GAB1: variants seen among roughly 807,000 people sequenced by gnomAD.
The protein encoded by GAB1 is GRB2-associated-binding protein 1.
In GAB1, 19 loss-of-function variants were observed where a neutral mutation model predicts 66.5. The ratio of observed to expected loss-of-function variants is 0.29; its 90% CI spans 0.20 to 0.42. GAB1 has a LOEUF of 0.42. GAB1 is among the 10% of genes least tolerant of loss of function. GAB1 has a pLI of 1.00. For missense variants in GAB1, 732 were observed against 858.5 expected (o/e 0.85, Z 1.84); for synonymous variants, 294 against 301.4 (o/e 0.98, Z 0.25).
intron 3 of GAB1, chr4:143,434,157 G>A (rs1733818885): frequency 4.7e-6 from 6 of 1,286,082 alleles, no homozygotes; most frequent in African/African-American, 1.5e-5. Flanking sequence ...AAAGCAAAAC[G>A]ATTCCATTGC....
chr4:143,356,300 A>G (rs1333832388), intron 1 of GAB1, among the ~76,000 whole-genome samples: 2 of 152,210 alleles, frequency 1.3e-5, no homozygotes, highest in Non-Finnish European at 2.9e-5. Flanking sequence ...TTTTGATTCC[A>G]GTTATCCCTA....
chr4:143,430,660 T>A (rs1020606750), intron 2 of GAB1, among the ~76,000 whole-genome samples: 4 of 152,224 alleles, frequency 2.6e-5, no homozygotes, highest in African/African-American at 4.8e-5. Flanking sequence ...AAATGATGAC[T>A]CAAATTCTTG....
chr4:143,343,537 T>C (rs1000398335), intron 1 of GAB1: 1 of 154,736 alleles, frequency 6.5e-6, no homozygotes, highest in African/African-American at 2.4e-5. Context: ...TTATGTGCCA[T>C]GTGTGGAATG....
Position 143,440,156 on chromosome 4 carries a change from T to G in GAB1, c.1359T>G (p.Asn453Lys), listed in dbSNP as rs1396005802. 1 of 1,614,070 alleles carries G rather than the reference T, an allele frequency of 6.2e-7. No homozygotes were observed. Among genetic ancestry groups the G allele is most frequent in the African/African-American group, 1.3e-5 (1 of 74,926 alleles). The change falls in exon 6 of 10, where the codon AAT becomes AAG. Residue 453 changes from asparagine (N) to lysine (K), a missense_variant. By Grantham distance (94) the Asn-to-Lys change is moderately conservative. Around this residue, in one of 4 missense-constraint regions of GAB1, gnomAD observed 427 missense variants for 420.6 expected, o/e 1.02. Coordinates refer to ENST00000262994, the MANE Select transcript of GAB1 (RefSeq NM_002039.4). Reference sequence around the variant, plus strand: ...AAAATTACGTCCCAATGAATCCCAATTCACCACCACGACAACATTCCAGCA... The same window carrying G: ...AAAATTACGTCCCAATGAATCCCAAGTCACCACCACGACAACATTCCAGCA... The part of the protein sequence containing the change: ...LDENYVPMNP[N>K]SPPRQHSSSF...
At chr4:143,462,217 A>G (rs1308589683) in intron 8 of GAB1, among the ~76,000 whole-genome samples, 2 of 152,072 alleles carry the variant, frequency 1.3e-5, no homozygotes, top group Non-Finnish European at 2.9e-5. Context: ...CTATTTTTCA[A>G]TTTGAGTGGA....
chr4:143,413,782 G>A (rs1056754555), intron 1 of GAB1, among the ~76,000 whole-genome samples: 1 of 147,046 alleles, frequency 6.8e-6, no homozygotes, highest in Non-Finnish European at 1.5e-5. Context: ...GGGGGTTTTC[G>A]AGTCCTTCCA....
At chr4:143,408,686 C>T (rs1732197356) in intron 1 of GAB1, among the ~76,000 whole-genome samples, 1 of 152,162 alleles carries the variant, frequency 6.6e-6, no homozygotes, top group Non-Finnish European at 1.5e-5. Flanking sequence ...TACAACCTAT[C>T]TTATCAAAAA....
intron 1 of GAB1, among the ~76,000 whole-genome samples, chr4:143,379,971 T>A (rs1259240790): frequency 6.6e-6 from 1 of 150,640 alleles, no homozygotes; most frequent in Non-Finnish European, 1.5e-5. Context: ...GGGCTTACAA[T>A]ACAGTATTAT....
At chr4:143,406,735 C>T (rs140558671) in intron 1 of GAB1, among the ~76,000 whole-genome samples, 115 of 152,364 alleles carry the variant, frequency 7.5e-4, no homozygotes, top group African/African-American at 2.3e-3. Flanking sequence ...GGGCACCATC[C>T]GACTCACATG....
At chr4:143,419,641 A>G (rs1298622723) in intron 2 of GAB1, among the ~76,000 whole-genome samples, 1 of 152,168 alleles carries the variant, frequency 6.6e-6, no homozygotes, top group Non-Finnish European at 1.5e-5. Context: ...TAAAACAAGT[A>G]TCTAAGGACT....
chr4:143,410,304 T>G (rs563919143), intron 1 of GAB1, among the ~76,000 whole-genome samples: 4 of 152,202 alleles, frequency 2.6e-5, no homozygotes, highest in Non-Finnish European at 5.9e-5. Context: ...GCAGTTACAA[T>G]GTTTTTCTTT....
At chr4:143,347,933 CATTTCATAATGGAAT>C (rs1405799680) in intron 1 of GAB1, among the ~76,000 whole-genome samples, 2 of 152,206 alleles carry the variant, frequency 1.3e-5, no homozygotes, top group Admixed American at 6.5e-5. Flanking sequence ...ACCTGCTGTT[CATTTCATAATGGAAT>C]ACAGCTGGGT....
chr4:143,463,991 G>A (rs1451056670), intron 8 of GAB1, among the ~76,000 whole-genome samples: 6 of 152,120 alleles, frequency 3.9e-5, no homozygotes, highest in Admixed American at 1.3e-4. Context: ...AACAATTCTA[G>A]ATATTTCTAA....
chr4:143,384,367 ATTTCT>A, intron 1 of GAB1, among the ~76,000 whole-genome samples: 1 of 152,362 alleles, frequency 6.6e-6, no homozygotes, highest in East Asian at 1.9e-4. Flanking sequence ...ATTTTGAAAC[ATTTCT>A]TTCCTTTAAA....
intron 1 of GAB1, among the ~76,000 whole-genome samples, chr4:143,414,218 C>G (rs966352590): frequency 6.6e-6 from 1 of 152,110 alleles, no homozygotes; most frequent in Non-Finnish European, 1.5e-5. Flanking sequence ...AAATAGGCCT[C>G]TTTTCTGTCT....
chr4:143,468,527 A>G (rs1735917941), intron 9 of GAB1, among the ~76,000 whole-genome samples: 1 of 151,988 alleles, frequency 6.6e-6, no homozygotes. Flanking sequence ...ATTCTTAAAT[A>G]TAATAATTTT....
At chr4:143,420,174 T>G (rs1275389537) in intron 2 of GAB1, among the ~76,000 whole-genome samples, 1 of 152,116 alleles carries the variant, frequency 6.6e-6, no homozygotes, top group Non-Finnish European at 1.5e-5. Context: ...CTGCTCTTCC[T>G]GTTTGAGAGA....
intron 1 of GAB1, among the ~76,000 whole-genome samples, chr4:143,385,880 C>T (rs942266438): frequency 6.6e-6 from 1 of 152,176 alleles, no homozygotes; most frequent in African/African-American, 2.4e-5. Context: ...TAGCTCATGC[C>T]TGTAACCCCA....
At chr4:143,399,672 G>A (rs1456557223) in intron 1 of GAB1, among the ~76,000 whole-genome samples, 5 of 152,112 alleles carry the variant, frequency 3.3e-5, no homozygotes, top group Non-Finnish European at 7.4e-5. Flanking sequence ...AAGTCTTTCT[G>A]TTCATTCATC....
Sources: gnomAD v4.1 joint callset for allele counts (sites outside exome capture counted in the v4.1 genomes callset) on GRCh38, gnomAD v4.1.1 for gene constraint, gnomAD v4.1.1 regional missense constraint, MANE v1.5 for transcripts, NCBI Gene and HGNC (gene_info 2026-07-23, HGNC 2026-07-21) for gene names.